Variants in ASTN2 observed in about 807,000 individuals in gnomAD.
ASTN2 encodes the protein astrotactin 2, also known as astrotactin-2.
ASTN2 carries 54 observed loss-of-function variants against 139.8 expected under a neutral mutation model. The observed-to-expected ratio is 0.39, with a 90% CI of 0.31 to 0.48. ASTN2 has a LOEUF of 0.48. ASTN2 is among the 20% of genes least tolerant of loss of function. The pLI, the probability that ASTN2 is intolerant of heterozygous loss-of-function variation, is 0.95. For missense variants in ASTN2, 1,565 were observed against 1,725.1 expected (o/e 0.91, Z 1.64); for synonymous variants, 756 against 719.5 (o/e 1.05, Z -0.81).
Position 116,698,389 on chromosome 9 carries a change from C to T in ASTN2, c.2806+27382G>A. ...GGCTCTTTGGCTGAAGTTGAGAAGTCCAATAGTCAAGTGGTAGAGGAGCAG... is the reference window on the plus strand; with the variant it reads ...GGCTCTTTGGCTGAAGTTGAGAAGTTCAATAGTCAAGTGGTAGAGGAGCAG... On this transcript the variant is annotated intron_variant, in intron 16 of 22. Coordinates refer to ENST00000313400, the MANE Select transcript of ASTN2 (RefSeq NM_001365068.1). This position sits in a 1 kb window ranked among gnomAD's most constrained non-coding sequence, Gnocchi z 4.4. 1 of 1,614,042 alleles carries T rather than the reference C, an allele frequency of 6.2e-7. No homozygotes were observed.
intron 19 of ASTN2, among the ~76,000 whole-genome samples, chr9:116,590,379 G>C (rs1013119475): frequency 6.6e-6 from 1 of 152,236 alleles, no homozygotes; most frequent in African/African-American, 2.4e-5. Context: ...CTGGCTGGGT[G>C]CATGTGAGCT....
chr9:117,160,023 C>T (rs1276770895), intron 3 of ASTN2, among the ~76,000 whole-genome samples: 4 of 151,988 alleles, frequency 2.6e-5, no homozygotes, highest in Admixed American at 6.6e-5. Context: ...ATGAAAGTCA[C>T]AAGAAGGATA....
At chr9:117,137,836 T>C (rs775993002) in intron 4 of ASTN2, among the ~76,000 whole-genome samples, 7 of 152,140 alleles carry the variant, frequency 4.6e-5, no homozygotes, top group African/African-American at 7.2e-5. Context: ...TTGTATCCCA[T>C]GGTAGCAGCA....
chr9:116,450,733 G>C (rs1848148873), intron 20 of ASTN2, among the ~76,000 whole-genome samples: 1 of 152,120 alleles, frequency 6.6e-6, no homozygotes, highest in African/African-American at 2.4e-5. Flanking sequence ...TGAGTCACCA[G>C]GGGCTGCTAT....
chr9:116,615,109 C>A (rs1310421137), intron 19 of ASTN2, among the ~76,000 whole-genome samples: 4 of 152,184 alleles, frequency 2.6e-5, no homozygotes, highest in East Asian at 3.9e-4. Flanking sequence ...ATGCAGCCAA[C>A]AGACACATGA....
At chr9:116,440,557 C>A in intron 22 of ASTN2, 52 bp downstream of exon 22, 3 of 1,570,650 alleles carry the variant, frequency 1.9e-6, no homozygotes, top group South Asian at 1.1e-5. Context: ...CCAGAAAAGT[C>A]AACTGGAGGC....
intron 13 of ASTN2, among the ~76,000 whole-genome samples, chr9:116,801,974 G>C (rs113194034): frequency 5.3e-5 from 8 of 152,164 alleles, no homozygotes; most frequent in African/African-American, 1.9e-4. Flanking sequence ...GAAACAATTA[G>C]CAGAGTATTT....
chr9:117,262,412 TA>T (rs1314232429), intron 2 of ASTN2, among the ~76,000 whole-genome samples: 117 of 80,046 alleles, frequency 1.5e-3, no homozygotes, highest in African/African-American at 3.3e-3. Flanking sequence ...TTTATTTATT[TA>T]TTTATTTTTT....
intron 16 of ASTN2, among the ~76,000 whole-genome samples, chr9:116,702,645 T>TC (rs1416017769): frequency 6.6e-6 from 1 of 152,160 alleles, no homozygotes; most frequent in Non-Finnish European, 1.5e-5. Flanking sequence ...ACCCGAGTCT[T>TC]CCTAGTGTAG....
chr9:116,662,248 G>A lies in ASTN2; in HGVS notation c.2807-10455C>T, dbSNP rs563269497. On this transcript the variant is annotated intron_variant, in intron 16 of 22. Coordinates refer to ENST00000313400, the MANE Select transcript of ASTN2 (RefSeq NM_001365068.1). ...TCTGCTTTTTATGTATAAAATAGGC[G>A]AATATCACCGACAATATAAAGTTGT... Among the ~76,000 whole-genome samples, 6 of 152,086 alleles carry A rather than the reference G, an allele frequency of 3.9e-5. No individual in the cohort carries two copies. The East Asian group carries it at 9.7e-4, about 24-fold the overall frequency.
chr9:117,414,297 C>T lies in ASTN2; in HGVS notation c.442+200G>A, dbSNP rs1457008698. On this transcript the variant is annotated intron_variant, in intron 1 of 22. Coordinates refer to ENST00000313400, the MANE Select transcript of ASTN2 (RefSeq NM_001365068.1). This position sits in a 1 kb window ranked among gnomAD's most constrained non-coding sequence, Gnocchi z 4.2. ...GGGAGGGTTGGCACGCCCCCAGGCT[C>T]CCGCCGCGCGCTCTCCAGGACCTCC... Among the ~76,000 whole-genome samples, 1 of 152,128 alleles carries T rather than the reference C, an allele frequency of 6.6e-6. No individual in the cohort carries two copies. The highest frequency in any genetic ancestry group is 1.5e-5 in the Non-Finnish European group (1 of 67,998).
At chr9:116,898,672 T>C (rs1833936411) in intron 10 of ASTN2, among the ~76,000 whole-genome samples, 1 of 151,660 alleles carries the variant, frequency 6.6e-6, no homozygotes, top group Non-Finnish European at 1.5e-5. Flanking sequence ...ATTCCTTTTA[T>C]GTTTTTTATT....
intron 19 of ASTN2, among the ~76,000 whole-genome samples, chr9:116,550,206 T>C (rs890379692): frequency 6.6e-6 from 1 of 152,214 alleles, no homozygotes; most frequent in African/African-American, 2.4e-5. Context: ...CGTGACCAGA[T>C]TTACATCCAT....
At chr9:117,019,223 T>C (rs1394605237) in intron 6 of ASTN2, among the ~76,000 whole-genome samples, 1 of 152,120 alleles carries the variant, frequency 6.6e-6, no homozygotes, top group African/African-American at 2.4e-5. Context: ...GACATAATAT[T>C]GTAATTCAAT....
intron 10 of ASTN2, among the ~76,000 whole-genome samples, chr9:116,957,197 GTC>G (rs761689117): frequency 6.6e-6 from 1 of 151,776 alleles, no homozygotes; most frequent in African/African-American, 2.4e-5. Flanking sequence ...CTTTTTCTCA[GTC>G]TCTCTTTCTC....
Position 116,538,687 on chromosome 9 carries a change from T to C in ASTN2, c.3356-51187A>G, listed in dbSNP as rs573453782. Among the ~76,000 whole-genome samples the C allele has an allele frequency of 3.9e-5, 6 of 152,332 alleles. No homozygotes were observed. In the South Asian group the frequency reaches 8.3e-4, roughly 21 times the overall value. On this transcript the variant is annotated intron_variant, in intron 19 of 22. Transcript: ENST00000313400. ...GCTTTGTTAATTCTAAAATGCACAA[T>C]TTTTGCCTTTGAATATGTCTGAAAT...
chr9:116,524,111 G>A (rs1564341510), intron 19 of ASTN2, among the ~76,000 whole-genome samples: 1 of 152,080 alleles, frequency 6.6e-6, no homozygotes, highest in Non-Finnish European at 1.5e-5. Flanking sequence ...TTCATTGACA[G>A]AATATTTCTA....
chr9:116,691,890 T>C (rs1860586278), intron 16 of ASTN2, among the ~76,000 whole-genome samples: 1 of 152,192 alleles, frequency 6.6e-6, no homozygotes. Context: ...AGATAAACCT[T>C]GCAAAAAACC....
At chr9:116,992,483 G>C (rs1836887334) in intron 7 of ASTN2, among the ~76,000 whole-genome samples, 1 of 152,140 alleles carries the variant, frequency 6.6e-6, no homozygotes, top group Non-Finnish European at 1.5e-5. Flanking sequence ...GTAAGGACAG[G>C]GTTATCACCT....
Sources: gnomAD v4.1 joint callset for allele counts (sites outside exome capture counted in the v4.1 genomes callset) on GRCh38, gnomAD v4.1.1 for gene constraint, Gnocchi (gnomAD v3.1) non-coding constraint, MANE v1.5 for transcripts, NCBI Gene and HGNC (gene_info 2026-07-23, HGNC 2026-07-21) for gene names.